The following MSRA variants were observed in gnomAD, a reference collection of about 807,000 sequenced individuals.
MSRA encodes mitochondrial peptide methionine sulfoxide reductase.
In MSRA, 54 loss-of-function variants were observed where a neutral mutation model predicts 31.3. That is an observed-to-expected ratio of 1.73 (90% CI 1.39 to 2.17). The LOEUF (loss-of-function observed/expected upper bound fraction) is 2.17. Ranked by LOEUF, MSRA falls within the 30% of genes most tolerant of loss-of-function variation. The pLI is 0.00. For missense variants in MSRA, 507 were observed against 300.9 expected, an observed-to-expected ratio of 1.69 and a Z score of -5.07; for synonymous variants, 169 against 116.5, an observed-to-expected ratio of 1.45 and a Z score of -2.90.
chr8:10,323,809 T>C (rs1203699307), intron 5 of MSRA, among the ~76,000 whole-genome samples: 1 of 151,814 alleles, frequency 6.6e-6, no homozygotes. Flanking sequence ...TGCATGTCTA[T>C]GTGTCTGTTT....
chr8:10,165,766 C>A (rs778526842), intron 1 of MSRA, among the ~76,000 whole-genome samples: 1 of 152,184 alleles, frequency 6.6e-6, no homozygotes, highest in African/African-American at 2.4e-5. Flanking sequence ...GGAGGCATTG[C>A]AGAGTCCTCC....
intron 1 of MSRA, among the ~76,000 whole-genome samples, chr8:10,061,187 C>A (rs1802698447): frequency 1.3e-5 from 2 of 152,112 alleles, no homozygotes; most frequent in Non-Finnish European, 2.9e-5. Context: ...TGTAGAACCC[C>A]ATCTTCTGCC....
chr8:10,180,094 C>CCAA (rs1295844943), intron 1 of MSRA, among the ~76,000 whole-genome samples: 1 of 152,194 alleles, frequency 6.6e-6, no homozygotes, highest in Non-Finnish European at 1.5e-5. Context: ...AAGGCTGCCC[C>CCAA]CAACTTCAGA....
intron 5 of MSRA, among the ~76,000 whole-genome samples, chr8:10,323,745 C>CGTGTGTGTGTGTGTGTGTGTGTGT (rs10643873): frequency 7.6e-4 from 108 of 142,694 alleles, no homozygotes; most frequent in Admixed American, 1.4e-3. Context: ...GAATTAAATA[C>CGTGTGTGTGTGTGTGTGTGTGTGT]GTGTGTGTGT....
At chr8:10,080,931 C>A (rs1045099437) in intron 1 of MSRA, among the ~76,000 whole-genome samples, 3 of 152,138 alleles carry the variant, frequency 2.0e-5, no homozygotes, top group African/African-American at 7.2e-5. Flanking sequence ...TCTTCCATAC[C>A]GCAGAAGGCT....
intron 4 of MSRA, among the ~76,000 whole-genome samples, chr8:10,316,558 CT>C (rs1801733244): frequency 9.2e-6 from 1 of 108,688 alleles, no homozygotes; most frequent in African/African-American, 4.4e-5. Context: ...CTCTCTCTCT[CT>C]CTCTCTCTCT....
intron 5 of MSRA, among the ~76,000 whole-genome samples, chr8:10,368,034 C>A (rs1271674357): frequency 2.0e-5 from 3 of 152,214 alleles, no homozygotes; most frequent in Middle Eastern, 3.4e-3. Context: ...AGCTGCCGGA[C>A]GGTAGAATTC....
intron 2 of MSRA, among the ~76,000 whole-genome samples, chr8:10,233,176 C>T (rs1321485708): frequency 6.6e-6 from 1 of 152,216 alleles, no homozygotes; most frequent in East Asian, 1.9e-4. Flanking sequence ...TGGGTTTTAC[C>T]TGTTTCTTGT....
intron 1 of MSRA, among the ~76,000 whole-genome samples, chr8:10,098,835 G>A (rs528498769): frequency 6.6e-6 from 1 of 152,342 alleles, no homozygotes; most frequent in South Asian, 2.1e-4. Context: ...TTGAGCCACT[G>A]CTCACATGCT....
intron 2 of MSRA, among the ~76,000 whole-genome samples, chr8:10,230,610 C>A (rs1224678282): frequency 6.6e-6 from 1 of 152,162 alleles, no homozygotes; most frequent in Non-Finnish European, 1.5e-5. Context: ...ATCTGTCAGT[C>A]TGTATAAACA....
intron 5 of MSRA, among the ~76,000 whole-genome samples, chr8:10,423,173 G>C (rs1040047944): frequency 6.6e-6 from 1 of 152,164 alleles, no homozygotes; most frequent in Non-Finnish European, 1.5e-5. Context: ...ACCAGGCTGC[G>C]CATTACCTGG....
At chr8:10,232,428 C>A (rs182793031) in intron 2 of MSRA, among the ~76,000 whole-genome samples, 1 of 152,130 alleles carries the variant, frequency 6.6e-6, no homozygotes, top group Non-Finnish European at 1.5e-5. Context: ...GTAGAACTTG[C>A]CCTAGCCAAT....
chr8:10,240,061 TG>T (rs1423198122), intron 2 of MSRA, among the ~76,000 whole-genome samples: 2 of 152,172 alleles, frequency 1.3e-5, no homozygotes, highest in African/African-American at 4.8e-5. Flanking sequence ...GTGAGTTGCT[TG>T]GTCTGATGGA....
chr8:10,123,171 C>G lies in MSRA; in HGVS notation c.142+68513C>G, dbSNP rs370149998. Among the ~76,000 whole-genome samples, 33 of 152,378 alleles carry G rather than the reference C, an allele frequency of 2.2e-4. 1 individual carries two copies. Among genetic ancestry groups the G allele is most frequent in the African/African-American group, 7.9e-4 (33 of 41,594 alleles). ...GTGTGTAAGTGTTTTCTTCTCTTCA[C>G]AATCTCACCAGCATCTGTTATGTTT... On this transcript the variant is annotated intron_variant, in intron 1 of 5. Coordinates refer to ENST00000317173, the MANE Select transcript of MSRA (RefSeq NM_012331.5).
chr8:10,180,534 C>A (rs887758617), intron 1 of MSRA, among the ~76,000 whole-genome samples: 1 of 152,068 alleles, frequency 6.6e-6, no homozygotes, highest in African/African-American at 2.4e-5. Flanking sequence ...TTGGTTCCTC[C>A]GGGAGCCAGT....
intron 5 of MSRA, among the ~76,000 whole-genome samples, chr8:10,393,969 G>C (rs1250127548): frequency 6.6e-6 from 1 of 152,224 alleles, no homozygotes; most frequent in Non-Finnish European, 1.5e-5. Flanking sequence ...CCCAGGCCTT[G>C]TGTGTTGTAA....
chr8:10,320,174 A>T, intron 5 of MSRA, 185 bp downstream of exon 5: 2 of 451,760 alleles, frequency 4.4e-6, no homozygotes, highest in African/African-American at 2.0e-5. Flanking sequence ...ATGAGGTTTT[A>T]AGAGTAGGCC....
intron 1 of MSRA, among the ~76,000 whole-genome samples, chr8:10,074,493 T>C (rs1416260133): frequency 6.6e-6 from 1 of 152,152 alleles, no homozygotes; most frequent in Non-Finnish European, 1.5e-5. Context: ...TGAATAAGTT[T>C]TTTTGATCAC....
chr8:10,360,492 G>C (rs923729348), intron 5 of MSRA, among the ~76,000 whole-genome samples: 1 of 152,184 alleles, frequency 6.6e-6, no homozygotes, highest in African/African-American at 2.4e-5. Flanking sequence ...GGAGACATTG[G>C]AAGGATCTCA....
Sources: gnomAD v4.1 joint callset for allele counts (sites outside exome capture counted in the v4.1 genomes callset) on GRCh38, gnomAD v4.1.1 for gene constraint, MANE v1.5 for transcripts, NCBI Gene and HGNC (gene_info 2026-07-23, HGNC 2026-07-21) for gene names.